Variants in TG observed in about 807,000 individuals in gnomAD.
TG encodes thyroglobulin.
TG carries 270 observed loss-of-function variants against 324.7 expected under a neutral mutation model. The ratio of observed to expected loss-of-function variants is 0.83; its 90% CI spans 0.75 to 0.92. TG has a LOEUF of 0.92. Ranked by LOEUF, TG falls within the 40% of genes least tolerant of loss-of-function variation. The pLI is 0.00. For missense variants in TG, 3,591 were observed against 3,456.4 expected (o/e 1.04, Z -0.98); for synonymous variants, 1,401 against 1,327.0 (o/e 1.06, Z -1.21).
chr8:132,901,779 C>T lies in TG; in HGVS notation c.3634+226C>T, dbSNP rs551442535. Among the ~76,000 whole-genome samples the T allele has an allele frequency of 4.1e-4, 62 of 152,272 alleles. 2 individuals are homozygous for T. The South Asian group carries it at 0.012, about 31-fold the overall frequency. ...AGAAAGAGCCTGGGCAGGGAACCCC[C>T]AGAACTGACACCTTAAGAAGCTTGG... On this transcript the variant is annotated intron_variant, in intron 16 of 47. Coordinates refer to ENST00000220616, the MANE Select transcript of TG (RefSeq NM_003235.5).
chr8:133,021,865 A>G (rs1180811188), intron 39 of TG, 126 bp from the exon 40 acceptor site: 1 of 1,166,744 alleles, frequency 8.6e-7, no homozygotes, highest in Non-Finnish European at 1.3e-6. Flanking sequence ...AGCTCCATCC[A>G]CTGCATGGGG....
intron 45 of TG, among the ~76,000 whole-genome samples, chr8:133,118,756 T>C (rs906686851): frequency 1.3e-5 from 2 of 152,150 alleles, no homozygotes; most frequent in South Asian, 4.1e-4. Flanking sequence ...GTAAAATACC[T>C]TAGCTGAATA....
chr8:132,872,941 C>T (rs952448944), intron 4 of TG, 121 bp from the exon 5 acceptor site: 43 of 1,112,952 alleles, frequency 3.9e-5, no homozygotes, highest in South Asian at 4.0e-5. Context: ...ATGAAACCGC[C>T]GAACGATGCA....
At chr8:133,042,975 T>C (rs1838597215) in intron 41 of TG, among the ~76,000 whole-genome samples, 2 of 145,400 alleles carry the variant, frequency 1.4e-5, no homozygotes, top group African/African-American at 4.9e-5. Context: ...ATTACAGGCA[T>C]GACCCACCAT....
At chr8:132,971,680 G>T in intron 32 of TG, 114 bp from the exon 33 acceptor site, 1 of 756,410 alleles carries the variant, frequency 1.3e-6, no homozygotes, top group Admixed American at 1.9e-5. Flanking sequence ...TTTAAGTAGG[G>T]GGTAAAAAAA....
intron 41 of TG, among the ~76,000 whole-genome samples, chr8:133,077,735 ATGTGTGTG>A (rs34749093): frequency 1.1e-3 from 170 of 148,172 alleles, no homozygotes; most frequent in African/African-American, 1.4e-3. Context: ...TCTGGTGTGT[ATGTGTGTG>A]TGTGTGTGTG....
intron 26 of TG, among the ~76,000 whole-genome samples, chr8:132,948,244 A>G (rs1007419967): frequency 4.6e-5 from 3 of 65,368 alleles, no homozygotes; most frequent in African/African-American, 1.8e-4. Context: ...TTCAAGGTTG[A>G]TCTTGTGTGT....
chr8:133,100,088 C>G (rs907850905), intron 43 of TG, among the ~76,000 whole-genome samples: 4 of 152,202 alleles, frequency 2.6e-5, no homozygotes, highest in African/African-American at 7.2e-5. Context: ...GCTCTCTGAC[C>G]TTAACTCCTG....
intron 41 of TG, among the ~76,000 whole-genome samples, chr8:133,074,059 G>T (rs1370152407): frequency 6.6e-6 from 1 of 152,066 alleles, no homozygotes; most frequent in Non-Finnish European, 1.5e-5. Context: ...TTGACACCAG[G>T]CTCTCTCCAT....
At chr8:132,935,043 C>A (rs1823365596) in intron 24 of TG, among the ~76,000 whole-genome samples, 2 of 152,088 alleles carry the variant, frequency 1.3e-5, no homozygotes, top group African/African-American at 4.8e-5. Flanking sequence ...AATTACTGAA[C>A]CTAGTTCTGA....
chr8:133,100,793 A>G (rs1369491751), intron 43 of TG, among the ~76,000 whole-genome samples: 1 of 152,198 alleles, frequency 6.6e-6, no homozygotes, highest in Non-Finnish European at 1.5e-5. Flanking sequence ...GGGCTTTCCA[A>G]TTCTACCCAC....
chr8:132,876,026 G>A (rs938459578), intron 5 of TG, among the ~76,000 whole-genome samples: 2 of 151,846 alleles, frequency 1.3e-5, no homozygotes, highest in African/African-American at 4.8e-5. Context: ...TTTTTTCAGT[G>A]TAAGTATGTT....
At chr8:132,980,335 A>G (rs754900494) in intron 34 of TG, among the ~76,000 whole-genome samples, 21 of 152,070 alleles carry the variant, frequency 1.4e-4, no homozygotes, top group Non-Finnish European at 2.8e-4. Context: ...GACTTACTCA[A>G]TTACTCATAT....
At chr8:132,890,133 T>TC (rs1485594988) in intron 10 of TG, among the ~76,000 whole-genome samples, 2 of 151,776 alleles carry the variant, frequency 1.3e-5, no homozygotes, top group Non-Finnish European at 2.9e-5. Context: ...TGGCTTTTTT[T>TC]TAATTGAGTA....
rs531512971 is a variant in TG, at chr8:132,971,989, G to A, written c.6055+116G>A. ...ATCTCCTATCCTCGTTCACAGATAA[G>A]GAAATGGGGGCTTGGAGAGGGCAAC... On this transcript the variant is annotated intron_variant, in intron 33 of 47. Transcript: ENST00000220616. 6.3e-4 allele frequency: 505 copies of A among 800,320 alleles called. 4 individuals are homozygous for A. The highest frequency in any genetic ancestry group is 1.9e-4 in the Non-Finnish European group (86 of 458,602). 49.6% of individuals were successfully genotyped at this position (800,320 alleles called of 1,614,324 possible).
chr8:132,941,533 G>A lies in TG; in HGVS notation c.5224G>A (p.Val1742Ile), dbSNP rs771343263. 19 of 1,614,070 alleles carry A rather than the reference G, an allele frequency of 1.2e-5. No homozygotes were observed. Among genetic ancestry groups the A allele is most frequent in the Non-Finnish European group, 1.3e-5 (15 of 1,180,052 alleles). ...LCCDGFVLTQ[V>I]QGGAIICGLL... ...TTGCGATGGCTTCGTCCTCACACAGGTTCAAGGAGGTAATGTTGGCAGTGA... is the reference window on the plus strand; with the variant it reads ...TTGCGATGGCTTCGTCCTCACACAGATTCAAGGAGGTAATGTTGGCAGTGA... Residue 1742 changes from valine (V) to isoleucine (I), a missense_variant, in exon 26 of 48, where the codon GTT (valine) becomes ATT (isoleucine). By Grantham distance (29) the Val-to-Ile change is conservative. Transcript: ENST00000220616.
Position 133,133,543 on chromosome 8 carries a change from C to G in TG, c.8071C>G (p.Arg2691Gly). Reference sequence around the variant, plus strand: ...AACCCCCTGGCCTGACTTTGTACCCCGTGCTGGTGGAGAGAACTACAAGGA... The same window carrying G: ...AACCCCCTGGCCTGACTTTGTACCCGGTGCTGGTGGAGAGAACTACAAGGA... ...FATPWPDFVP[R>G]AGGENYKEFS... Residue 2691 changes from arginine (R) to glycine (G), a missense_variant, in exon 47 of 48, where the codon CGT becomes GGT. Physicochemically the swap from Arg to Gly is moderately radical, Grantham distance 125. Transcript: ENST00000220616. The G allele has an allele frequency of 1.2e-6, 2 of 1,614,194 alleles. No individual in the cohort carries two copies. Among genetic ancestry groups the G allele is most frequent in the South Asian group, 1.1e-5 (1 of 91,086 alleles).
chr8:133,118,852 A>C (rs1485034671), intron 45 of TG, among the ~76,000 whole-genome samples: 1 of 152,204 alleles, frequency 6.6e-6, no homozygotes, highest in Non-Finnish European at 1.5e-5. Flanking sequence ...GTTGTGATTT[A>C]GTTAAGGATC....
At chr8:132,935,964 T>C (rs1823522570) in intron 25 of TG, 100 bp downstream of exon 25, 1 of 891,204 alleles carries the variant, frequency 1.1e-6, no homozygotes, top group Non-Finnish European at 1.8e-6. Context: ...AGCCAGACTG[T>C]CCCGCTCCCC....
Sources: gnomAD v4.1 joint callset for allele counts (sites outside exome capture counted in the v4.1 genomes callset) on GRCh38, gnomAD v4.1.1 for gene constraint, MANE v1.5 for transcripts, NCBI Gene and HGNC (gene_info 2026-07-23, HGNC 2026-07-21) for gene names.